Variants in ZNF407 observed in about 807,000 individuals in gnomAD.
ZNF407 encodes zinc finger protein 407.
ZNF407 carries 17 observed loss-of-function variants against 131.2 expected under a neutral mutation model. The ratio of observed to expected loss-of-function variants is 0.13; its 90% CI spans 0.09 to 0.19. The LOEUF (loss-of-function observed/expected upper bound fraction) is 0.19, where lower values mean the gene tolerates loss of function less well. Among genes scored for constraint, ZNF407 ranks in the 10% least tolerant of loss-of-function variants. The probability of loss-of-function intolerance (pLI) is 1.00; values close to 1 mark genes in which losing one functional copy is unlikely to be tolerated. For missense variants in ZNF407, 2,681 were observed against 2,830.6 expected (o/e 0.95, Z 1.20); for synonymous variants, 1,156 against 1,062.0 (o/e 1.09, Z -1.72).
intron 6 of ZNF407, among the ~76,000 whole-genome samples, chr18:74,884,437 C>T (rs1971280338): frequency 6.6e-6 from 1 of 152,120 alleles, no homozygotes; most frequent in African/African-American, 2.4e-5. Flanking sequence ...TTTGAATCAT[C>T]TGTGGTTGTA....
At chr18:74,971,745 C>T (rs893590541) in intron 8 of ZNF407, among the ~76,000 whole-genome samples, 2 of 152,214 alleles carry the variant, frequency 1.3e-5, no homozygotes, top group African/African-American at 2.4e-5. Context: ...AACTCTCTGC[C>T]TCTTACCCAG....
intron 3 of ZNF407, among the ~76,000 whole-genome samples, chr18:74,662,188 CACAT>C (rs1985744666): frequency 6.6e-6 from 1 of 152,128 alleles, no homozygotes; most frequent in Non-Finnish European, 1.5e-5. Context: ...GCATGCTTCT[CACAT>C]ACGATTTTGT....
chr18:74,601,153 CTG>C (rs1982560836), intron 1 of ZNF407, among the ~76,000 whole-genome samples: 1 of 152,060 alleles, frequency 6.6e-6, no homozygotes, highest in African/African-American at 2.4e-5. Flanking sequence ...CTGGTGTTCC[CTG>C]TGTGGTGATG....
chr18:74,612,748 T>C (rs935875717), intron 1 of ZNF407, among the ~76,000 whole-genome samples: 2 of 152,196 alleles, frequency 1.3e-5, no homozygotes, highest in East Asian at 1.9e-4. Flanking sequence ...TATTAATAAG[T>C]GTTATCCTTG....
intron 3 of ZNF407, among the ~76,000 whole-genome samples, chr18:74,756,095 T>C (rs1378649332): frequency 2.0e-5 from 3 of 151,626 alleles, no homozygotes; most frequent in Non-Finnish European, 4.4e-5. Flanking sequence ...GGTTTCACCA[T>C]GTTGGCCAGG....
At chr18:74,877,825 A>G (rs1247460884) in intron 5 of ZNF407, among the ~76,000 whole-genome samples, 1 of 152,220 alleles carries the variant, frequency 6.6e-6, no homozygotes, top group African/African-American at 2.4e-5. Context: ...TTACCACATG[A>G]ATATTTTTCT....
chr18:74,800,507 G>A (rs543236721), intron 4 of ZNF407, among the ~76,000 whole-genome samples: 189 of 151,928 alleles, frequency 1.2e-3, no homozygotes, highest in African/African-American at 3.2e-3. Flanking sequence ...TTTGCTTAAC[G>A]GAAATGAACG....
At chr18:74,964,311 A>G (rs1191235532) in intron 8 of ZNF407, among the ~76,000 whole-genome samples, 1 of 152,224 alleles carries the variant, frequency 6.6e-6, no homozygotes, top group Non-Finnish European at 1.5e-5. Flanking sequence ...ACCCATATGC[A>G]CATGCATCTC....
chr18:74,747,470 C>G (rs1196199710), intron 3 of ZNF407, among the ~76,000 whole-genome samples: 1 of 151,392 alleles, frequency 6.6e-6, no homozygotes, highest in Non-Finnish European at 1.5e-5. Flanking sequence ...CATTGAGAGG[C>G]TTTCCTGGAT....
At chr18:74,914,390 C>T (rs914272865) in intron 7 of ZNF407, among the ~76,000 whole-genome samples, 13 of 152,150 alleles carry the variant, frequency 8.5e-5, no homozygotes, top group African/African-American at 3.1e-4. Context: ...GCTGACTTTG[C>T]GCTGTGTGCC....
chr18:74,644,716 G>T (rs1599037170), intron 3 of ZNF407, among the ~76,000 whole-genome samples: 2 of 151,826 alleles, frequency 1.3e-5, no homozygotes, highest in Admixed American at 6.6e-5. Flanking sequence ...CCATTTTACT[G>T]ATGGGAAACT....
rs145644836 is a variant in ZNF407, at chr18:74,974,959, G to A, written c.5428+54267G>A. Among the ~76,000 whole-genome samples the A allele has an allele frequency of 9.0e-3, 1,376 of 152,266 alleles. 9 individuals carry two copies. Among genetic ancestry groups the A allele is most frequent in the Non-Finnish European group, 0.013 (915 of 68,018 alleles). On this transcript the variant is annotated intron_variant, in intron 8 of 8. Transcript: ENST00000299687. ...TATTAGTGAAATCTTAGTTGATATC[G>A]ATCTACTGATTTTTATGTACACTGT...
rs1568268464 is a variant in ZNF407, at chr18:74,916,643, TGTG to T, written c.5250-3870_5250-3868del. Among the ~76,000 whole-genome samples the T allele has an allele frequency of 3.5e-3, 491 of 139,558 alleles. 8 individuals are homozygous for T. The highest frequency in any genetic ancestry group is 0.013 in the African/African-American group (450 of 34,932). 91.6% of individuals were successfully genotyped at this position (139,558 alleles called of 152,430 possible). On this transcript the variant is annotated intron_variant, in intron 7 of 8. Coordinates refer to ENST00000299687, the MANE Select transcript of ZNF407 (RefSeq NM_017757.3). Reference sequence around the variant, plus strand: ...TTCGAATCGGGAGTGTGTGTGTGTGTGTGTGTGTGCATGTGTGTGCTGGTATGG... The same window carrying T: ...TTCGAATCGGGAGTGTGTGTGTGTGTTGTGTGCATGTGTGTGCTGGTATGG...
chr18:74,778,534 T>C (rs796233855), intron 3 of ZNF407, among the ~76,000 whole-genome samples: 5 of 152,324 alleles, frequency 3.3e-5, no homozygotes, highest in African/African-American at 1.2e-4. Context: ...GTTGTACATT[T>C]TTTGAGGGCA....
intron 3 of ZNF407, among the ~76,000 whole-genome samples, chr18:74,724,087 C>T (rs937060558): frequency 6.6e-6 from 1 of 151,786 alleles, no homozygotes; most frequent in Non-Finnish European, 1.5e-5. Flanking sequence ...TAATAAATTG[C>T]AATGAATATG....
At chr18:75,059,044 G>A (rs547066658) in intron 8 of ZNF407, among the ~76,000 whole-genome samples, 261 of 152,284 alleles carry the variant, frequency 1.7e-3, no homozygotes, top group African/African-American at 5.5e-3. Flanking sequence ...TGATGGACTC[G>A]CTGGGCCTGT....
chr18:74,972,114 A>G (rs1972479572), intron 8 of ZNF407, among the ~76,000 whole-genome samples: 1 of 152,146 alleles, frequency 6.6e-6, no homozygotes, highest in Non-Finnish European at 1.5e-5. Flanking sequence ...CTCCCACAAC[A>G]TGTGGGAATT....
intron 7 of ZNF407, chr18:74,905,174 G>A (rs1436385573): frequency 2.0e-5 from 3 of 152,186 alleles, no homozygotes; most frequent in African/African-American, 4.8e-5. Flanking sequence ...TACTAAATAT[G>A]TTTAAAAAAT....
intron 3 of ZNF407, among the ~76,000 whole-genome samples, chr18:74,720,626 A>G (rs1361258029): frequency 6.6e-6 from 1 of 151,788 alleles, no homozygotes; most frequent in African/African-American, 2.4e-5. Flanking sequence ...TACTTTCATG[A>G]TTTTGGGTTT....
Sources: allele counts gnomAD v4.1 joint callset (sites outside exome capture counted in the v4.1 genomes callset), GRCh38; gene constraint gnomAD v4.1.1; transcripts MANE v1.5; gene names NCBI Gene and HGNC (gene_info 2026-07-23, HGNC 2026-07-21).